Variants in SZRD1 observed in about 807,000 individuals in gnomAD.
The protein encoded by SZRD1 is SUZ RNA binding domain containing 1.
SZRD1 carries 7 observed loss-of-function variants against 17.6 expected under a neutral mutation model. That is an observed-to-expected ratio of 0.40 (90% CI 0.23 to 0.75). The LOEUF is 0.75. SZRD1 is among the 30% of genes least tolerant of loss of function. The probability of loss-of-function intolerance (pLI) is 0.38; values close to 1 mark genes in which losing one functional copy is unlikely to be tolerated. For synonymous variants in SZRD1, 77 were observed against 77.9 expected, an observed-to-expected ratio of 0.99 and a Z score of 0.06; for missense variants, 178 against 201.8, an observed-to-expected ratio of 0.88 and a Z score of 0.71.
Position 16,396,941 on chromosome 1 carries a change from G to A in SZRD1, c.*1801G>A, listed in dbSNP as rs2085322204. 1 of 152,392 alleles carries A rather than the reference G, an allele frequency of 6.6e-6. No homozygotes were observed. Among genetic ancestry groups the A allele is most frequent in the Non-Finnish European group, 1.5e-5 (1 of 68,162 alleles). The allele number at this position is 152,392 out of a possible 1,614,324, so 9.4% of individuals were successfully genotyped here. ...GAGGGAGGATTACCTTCAGGAGAAG[G>A]CAAGGAAGAAAACTGGCTGCTATCT... On this transcript the variant is annotated 3_prime_UTR_variant, in exon 4 of 4. Coordinates refer to ENST00000401088, the MANE Select transcript of SZRD1 (RefSeq NM_001114600.3).
chr1:16,372,054 A>G (rs1420558585), intron 1 of SZRD1, among the ~76,000 whole-genome samples: 2 of 152,186 alleles, frequency 1.3e-5, no homozygotes, highest in African/African-American at 4.8e-5. Context: ...GACTTTGAGA[A>G]GTCCCTCACA....
chr1:16,372,497 G>A (rs1464403629), intron 1 of SZRD1, among the ~76,000 whole-genome samples: 1 of 152,108 alleles, frequency 6.6e-6, no homozygotes, highest in African/African-American at 2.4e-5. Flanking sequence ...CATAGTGTTG[G>A]TAATGAGCTA....
At chr1:16,378,825 C>G (rs759887883) in intron 1 of SZRD1, among the ~76,000 whole-genome samples, 5 of 151,460 alleles carry the variant, frequency 3.3e-5, no homozygotes, top group African/African-American at 4.9e-5. Flanking sequence ...CCTCTGGGTT[C>G]AAGTGATTCT....
intron 1 of SZRD1, among the ~76,000 whole-genome samples, chr1:16,373,956 G>A (rs1013728584): frequency 6.6e-6 from 1 of 152,072 alleles, no homozygotes; most frequent in Non-Finnish European, 1.5e-5. Flanking sequence ...CTCTTTCTTT[G>A]GAGAAGAGGC....
chr1:16,384,829 C>T (rs2083162085), intron 1 of SZRD1, among the ~76,000 whole-genome samples: 1 of 152,150 alleles, frequency 6.6e-6, no homozygotes, highest in South Asian at 2.1e-4. Flanking sequence ...GTTGTGCTCT[C>T]CAGGTTCCTG....
chr1:16,370,096 G>A (rs2082887787), intron 1 of SZRD1, among the ~76,000 whole-genome samples: 2 of 152,144 alleles, frequency 1.3e-5, no homozygotes, highest in East Asian at 1.9e-4. Flanking sequence ...TCACACAGCT[G>A]GGGGAAGCTG....
intron 2 of SZRD1, among the ~76,000 whole-genome samples, chr1:16,392,448 C>G (rs1164081032): frequency 2.0e-5 from 3 of 152,034 alleles, no homozygotes; most frequent in Admixed American, 6.6e-5. Flanking sequence ...TGTTTTTTGT[C>G]ATTCCACCTC....
rs536341954 is a variant in SZRD1, at chr1:16,369,221, T to C, written c.51+1913T>C. 7 of 514,184 alleles carry C rather than the reference T, an allele frequency of 1.4e-5. No homozygotes were observed. The South Asian group carries it at 2.4e-4, about 18-fold the overall frequency. The allele number at this position is 514,184 out of a possible 1,614,324, so 31.9% of individuals were successfully genotyped here. On this transcript the variant is annotated intron_variant, in intron 1 of 3. Transcript: ENST00000401088. ...CATAATTTGTAGCTATCTTTGCTGT[T>C]AGTAACTAGGAGCAACCAATCACGT...
chr1:16,376,819 A>AC (rs2083011508), intron 1 of SZRD1, among the ~76,000 whole-genome samples: 1 of 143,680 alleles, frequency 7.0e-6, no homozygotes, highest in African/African-American at 2.9e-5. Context: ...AAAAAAAAAA[A>AC]AAAAACGTTG....
intron 1 of SZRD1, among the ~76,000 whole-genome samples, chr1:16,376,506 T>A (rs1348165603): frequency 6.6e-6 from 1 of 152,112 alleles, no homozygotes; most frequent in Non-Finnish European, 1.5e-5. Flanking sequence ...TGGAAAAAGA[T>A]AACATAAATA....
chr1:16,374,545 A>G (rs1357563904), intron 1 of SZRD1, among the ~76,000 whole-genome samples: 2 of 152,188 alleles, frequency 1.3e-5, no homozygotes, highest in Non-Finnish European at 2.9e-5. Context: ...CTTCTATGAC[A>G]GGAGAGGATT....
intron 1 of SZRD1, among the ~76,000 whole-genome samples, chr1:16,384,693 C>A (rs779328997): frequency 6.6e-6 from 1 of 152,212 alleles, no homozygotes; most frequent in African/African-American, 2.4e-5. Context: ...TGTGGGAGTT[C>A]AGGGCCGGAA....
intron 1 of SZRD1, among the ~76,000 whole-genome samples, chr1:16,384,902 C>T (rs1219665867): frequency 6.6e-6 from 1 of 152,128 alleles, no homozygotes; most frequent in African/African-American, 2.4e-5. Flanking sequence ...AGGATGAGAC[C>T]AGAGGACCCT....
chr1:16,393,365 G>A lies in SZRD1; in HGVS notation c.239G>A (p.Arg80Lys). 1 of 1,614,198 alleles carries A rather than the reference G, an allele frequency of 6.2e-7. No homozygotes were observed. Among genetic ancestry groups the A allele is most frequent in the Non-Finnish European group, 8.5e-7 (1 of 1,180,040 alleles). ...GVVSSPNSTS[R>K]PTLPVKSLAQ... ...GTCAGCAGCCCCAACTCCACCAGCA[G>A]GCCCACCCTTCCAGTCAAGTCCCTA... Residue 80 changes from arginine (R) to lysine (K), a missense_variant, in exon 3 of 4, where the codon AGG becomes AAG. Coordinates refer to ENST00000401088, the MANE Select transcript of SZRD1 (RefSeq NM_001114600.3). This position sits in a 1 kb window ranked among gnomAD's most constrained non-coding sequence, Gnocchi z 5.6.
chr1:16,368,166 T>C (rs866503615), intron 1 of SZRD1, among the ~76,000 whole-genome samples: 1 of 152,236 alleles, frequency 6.6e-6, no homozygotes, highest in Non-Finnish European at 1.5e-5. Context: ...TTGTGAATAA[T>C]TTGGTCTTTT....
Position 16,395,191 on chromosome 1 carries a change from C to G in SZRD1, c.*51C>G, listed in dbSNP as rs757952206. ...TTGCTGCCGTCACCGCCTCCTGGGT[C>G]GTCCGCCACGGGTTGCACTGCCGTG... is the stretch of plus-strand genomic sequence containing the variant. On this transcript the variant is annotated 3_prime_UTR_variant, in exon 4 of 4. Coordinates refer to ENST00000401088, the MANE Select transcript of SZRD1 (RefSeq NM_001114600.3). 1 of 1,343,878 alleles carries G rather than the reference C, an allele frequency of 7.4e-7. No individual in the cohort carries two copies. The highest frequency in any genetic ancestry group is 1.7e-5 in the Admixed American group (1 of 58,148). The allele number at this position is 1,343,878 out of a possible 1,614,324, so 83.2% of individuals were successfully genotyped here.
At chr1:16,367,485 TC>T (rs1187714626) in intron 1 of SZRD1, among the ~76,000 whole-genome samples, 177 bp downstream of exon 1, 1 of 150,474 alleles carries the variant, frequency 6.6e-6, no homozygotes, top group Non-Finnish European at 1.5e-5. Context: ...GGGGCCGCGA[TC>T]CATTTCTCTC....
intron 1 of SZRD1, among the ~76,000 whole-genome samples, chr1:16,375,085 C>T (rs1178908310): frequency 6.6e-6 from 1 of 152,094 alleles, no homozygotes; most frequent in Non-Finnish European, 1.5e-5. Context: ...ACTGTGTTGG[C>T]TAGGCCGGTC....
In SZRD1 at chr1:16,383,291, C is replaced by T. The variant is rs561044563; in HGVS notation, c.52-8084C>T. 5.9e-5 allele frequency among the ~76,000 whole-genome samples: 9 copies of T among 151,776 alleles called. No homozygotes were observed. In the South Asian group the frequency reaches 1.7e-3, roughly 28 times the overall value. On this transcript the variant is annotated intron_variant, in intron 1 of 3. Transcript: ENST00000401088. Reference sequence around the variant, plus strand: ...GGAGTGCAATGGCACAATCATAGCTCACTGCTGCCTCAAACTCTTGGACTT... The same window carrying T: ...GGAGTGCAATGGCACAATCATAGCTTACTGCTGCCTCAAACTCTTGGACTT...
Sources: gnomAD v4.1 joint callset for allele counts (sites outside exome capture counted in the v4.1 genomes callset) on GRCh38, gnomAD v4.1.1 for gene constraint, Gnocchi (gnomAD v3.1) non-coding constraint, MANE v1.5 for transcripts, NCBI Gene and HGNC (gene_info 2026-07-23, HGNC 2026-07-21) for gene names.